The following L2HGDH variants were observed in gnomAD, a reference collection of about 807,000 sequenced individuals.
The protein encoded by L2HGDH is L-2-hydroxyglutarate dehydrogenase.
L2HGDH carries 34 observed loss-of-function variants against 51.5 expected under a neutral mutation model. That is an observed-to-expected ratio of 0.66 (90% CI 0.50 to 0.88). The LOEUF (loss-of-function observed/expected upper bound fraction) is 0.88. Among genes scored for constraint, L2HGDH ranks in the 40% least tolerant of loss-of-function variants. The pLI, the probability that L2HGDH is intolerant of heterozygous loss-of-function variation, is 0.00. For synonymous variants in L2HGDH, 198 were observed against 197.9 expected (o/e 1.00, Z -0.01); for missense variants, 558 against 571.9 (o/e 0.98, Z 0.25).
chr14:50,304,671 T>C (rs1165683746), intron 1 of L2HGDH, among the ~76,000 whole-genome samples: 1 of 152,036 alleles, frequency 6.6e-6, no homozygotes, highest in Non-Finnish European at 1.5e-5. Context: ...CCATCTCTAC[T>C]AAAAATACAA....
chr14:50,299,421 A>C (rs981154941), intron 3 of L2HGDH, among the ~76,000 whole-genome samples: 2 of 152,140 alleles, frequency 1.3e-5, no homozygotes, highest in African/African-American at 2.4e-5. Flanking sequence ...ACTAAACCCT[A>C]CTCAAACTAT....
chr14:50,263,058 A>G (rs1395318756), intron 9 of L2HGDH, among the ~76,000 whole-genome samples: 1 of 152,214 alleles, frequency 6.6e-6, no homozygotes, highest in African/African-American at 2.4e-5. Flanking sequence ...CTACCATATG[A>G]AATCCAGTGG....
At chr14:50,272,449 G>T (rs1373140221) in intron 6 of L2HGDH, among the ~76,000 whole-genome samples, 3 of 152,194 alleles carry the variant, frequency 2.0e-5, no homozygotes, top group African/African-American at 7.2e-5. Flanking sequence ...TAATCGAAGG[G>T]TCTACAGCAG....
At chr14:50,291,742 T>C (rs1397030431) in intron 4 of L2HGDH, among the ~76,000 whole-genome samples, 1 of 152,208 alleles carries the variant, frequency 6.6e-6, no homozygotes, top group Admixed American at 6.5e-5. Context: ...AAAAATACAT[T>C]TCTATCTTGT....
At chr14:50,287,942 C>A (rs992949506) in intron 4 of L2HGDH, among the ~76,000 whole-genome samples, 20 of 152,024 alleles carry the variant, frequency 1.3e-4, no homozygotes, top group African/African-American at 4.6e-4. Context: ...AAATGATCCA[C>A]CCACCTCAGC....
At chr14:50,252,569 T>A (rs1241623013) in intron 9 of L2HGDH, among the ~76,000 whole-genome samples, 1 of 150,568 alleles carries the variant, frequency 6.6e-6, no homozygotes, top group African/African-American at 2.4e-5. Context: ...AGACTAAAAA[T>A]AAAGGGATGG....
intron 4 of L2HGDH, chr14:50,287,406 G>A (rs1890619424): frequency 5.0e-6 from 3 of 602,698 alleles, no homozygotes; most frequent in Non-Finnish European, 6.2e-6. Flanking sequence ...CAGTAATCCT[G>A]TTTTTCAAAC....
At chr14:50,264,075 T>C (rs1566510025) in intron 9 of L2HGDH, among the ~76,000 whole-genome samples, 1 of 151,458 alleles carries the variant, frequency 6.6e-6, no homozygotes, top group African/African-American at 2.4e-5. Context: ...TGCCAGTCTT[T>C]TATCTTTAAG....
At chr14:50,287,113 C>T in intron 4 of L2HGDH, 1 of 896,348 alleles carries the variant, frequency 1.1e-6, no homozygotes, top group Non-Finnish European at 1.3e-6. Context: ...TTATAAGACA[C>T]AAAAATATGT....
At chr14:50,298,289 T>TC (rs1178976164) in intron 3 of L2HGDH, among the ~76,000 whole-genome samples, 2 of 150,148 alleles carry the variant, frequency 1.3e-5, no homozygotes, top group African/African-American at 4.9e-5. Flanking sequence ...GCACCTGTGA[T>TC]CCCCATTACT....
chr14:50,264,605 T>C (rs1889231110), intron 9 of L2HGDH, among the ~76,000 whole-genome samples: 1 of 152,136 alleles, frequency 6.6e-6, no homozygotes, highest in South Asian at 2.1e-4. Context: ...GAGGCTATCA[T>C]CCTTAGCAAA....
intron 1 of L2HGDH, among the ~76,000 whole-genome samples, chr14:50,310,816 C>G (rs1334649731): frequency 6.6e-6 from 1 of 152,080 alleles, no homozygotes; most frequent in Non-Finnish European, 1.5e-5. Context: ...CATAACAAAT[C>G]ACAATCGCTA....
intron 5 of L2HGDH, among the ~76,000 whole-genome samples, chr14:50,283,301 G>T (rs745710404): frequency 3.9e-5 from 6 of 152,062 alleles, no homozygotes; most frequent in African/African-American, 7.2e-5. Flanking sequence ...TCCATAAACA[G>T]CCTTGGCAGT....
At chr14:50,250,198 G>C (rs2139930772) in intron 9 of L2HGDH, among the ~76,000 whole-genome samples, 1 of 152,326 alleles carries the variant, frequency 6.6e-6, no homozygotes, top group South Asian at 2.1e-4. Flanking sequence ...CACCGTGTCT[G>C]GCCCAGGCCA....
chr14:50,256,551 A>G lies in L2HGDH; in HGVS notation c.1196+8807T>C, dbSNP rs547676914. 2.6e-5 allele frequency among the ~76,000 whole-genome samples: 4 copies of G among 151,978 alleles called. No individual in the cohort carries two copies. The South Asian group carries it at 8.3e-4, about 32-fold the overall frequency. On this transcript the variant is annotated intron_variant, in intron 9 of 9. Transcript: ENST00000267436. ...AAAAAAAAATTAAAAGCATTTTTCTAGCACATAGATTTTTTTAAATCCAAC... is the reference window on the plus strand; with the variant it reads ...AAAAAAAAATTAAAAGCATTTTTCTGGCACATAGATTTTTTTAAATCCAAC...
At chr14:50,271,439 G>C (rs1889680393) in intron 6 of L2HGDH, among the ~76,000 whole-genome samples, 1 of 152,188 alleles carries the variant, frequency 6.6e-6, no homozygotes, top group South Asian at 2.1e-4. Context: ...ACAGGTCTCT[G>C]AAATCATTTT....
Position 50,244,846 on chromosome 14 carries a change from G to C in L2HGDH, c.*2212C>G. On this transcript the variant is annotated 3_prime_UTR_variant, in exon 10 of 10. Coordinates refer to ENST00000267436, the MANE Select transcript of L2HGDH (RefSeq NM_024884.3). ...ATCATACAGCTTTGGAGAGCTAAGA[G>C]GAAAGAAGACATACACAGTAGAAGA... 1.0e-6 allele frequency: 1 copy of C among 985,380 alleles called. No individual in the cohort carries two copies. Among genetic ancestry groups the C allele is most frequent in the Non-Finnish European group, 1.2e-6 (1 of 829,934 alleles). 61.0% of individuals were successfully genotyped at this position (985,380 alleles called of 1,614,324 possible). A position where few individuals can be genotyped will look rare whatever the true frequency, so the allele number is the denominator to read the frequency against.
At chr14:50,267,617 T>C in intron 8 of L2HGDH, 136 bp downstream of exon 8, 1 of 688,406 alleles carries the variant, frequency 1.5e-6, no homozygotes, top group South Asian at 1.9e-5. Flanking sequence ...AGCTTTTAAT[T>C]TGGATTAATA....
chr14:50,297,178 C>G (rs1220416117), intron 3 of L2HGDH, among the ~76,000 whole-genome samples: 1 of 152,150 alleles, frequency 6.6e-6, no homozygotes, highest in African/African-American at 2.4e-5. Context: ...TGAATGCTTT[C>G]TCTATTAGAT....
Sources: gnomAD v4.1 joint callset for allele counts (sites outside exome capture counted in the v4.1 genomes callset) on GRCh38, gnomAD v4.1.1 for gene constraint, MANE v1.5 for transcripts, NCBI Gene and HGNC (gene_info 2026-07-23, HGNC 2026-07-21) for gene names.